The following SLC26A5 variants were observed in gnomAD, a reference collection of about 807,000 sequenced individuals.
SLC26A5 encodes the protein prestin.
SLC26A5 carries 51 observed loss-of-function variants against 81.0 expected under a neutral mutation model. The ratio of observed to expected loss-of-function variants is 0.63; its 90% CI spans 0.50 to 0.80. The LOEUF (loss-of-function observed/expected upper bound fraction) is 0.80. Among genes scored for constraint, SLC26A5 ranks in the 30% least tolerant of loss-of-function variants. The pLI, the probability that SLC26A5 is intolerant of heterozygous loss-of-function variation, is 0.00. For missense variants in SLC26A5, 771 were observed against 905.8 expected (o/e 0.85, Z 1.91); for synonymous variants, 325 against 332.8 (o/e 0.98, Z 0.25).
In SLC26A5 at chr7:103,442,115, G is replaced by A. The variant is rs192551012; in HGVS notation, c.-54+968C>T. ...ATGCCTGGGCCTATGCCAGTCCATT[G>A]TCTCCTCCCCACCTTCATCACTCTT... On this transcript the variant is annotated intron_variant, in intron 2 of 19. Transcript: ENST00000306312. Among the ~76,000 whole-genome samples the A allele has an allele frequency of 1.7e-4, 26 of 151,068 alleles. No individual in the cohort carries two copies. The East Asian group carries it at 2.8e-3, about 16-fold the overall frequency.
At chr7:103,396,132 T>C (rs1273180406) in intron 9 of SLC26A5, among the ~76,000 whole-genome samples, 2 of 152,180 alleles carry the variant, frequency 1.3e-5, no homozygotes, top group African/African-American at 4.8e-5. Context: ...GGCTAGGATT[T>C]AGGTTGTTTT....
intron 19 of SLC26A5, among the ~76,000 whole-genome samples, chr7:103,366,959 C>T (rs1192408301): frequency 6.6e-6 from 1 of 152,168 alleles, no homozygotes; most frequent in African/African-American, 2.4e-5. Flanking sequence ...TGCCTACCAC[C>T]ATGCCTGGCT....
chr7:103,378,132 C>A (rs1426746460), intron 17 of SLC26A5, among the ~76,000 whole-genome samples: 1 of 152,190 alleles, frequency 6.6e-6, no homozygotes, highest in Non-Finnish European at 1.5e-5. Context: ...CATTAGCATG[C>A]CTGAACAGCA....
In SLC26A5 at chr7:103,410,832, T is replaced by C. The variant is rs113982096; in HGVS notation, c.571-283A>G. 0.022 allele frequency among the ~76,000 whole-genome samples: 3,281 copies of C among 152,182 alleles called. 106 individuals are homozygous for C. The highest frequency in any genetic ancestry group is 0.076 in the African/African-American group (3,136 of 41,520). On this transcript the variant is annotated intron_variant, in intron 6 of 19. Transcript: ENST00000306312. ...TTTTAGTAGACACGGGGTTTCACTA[T>C]GTTGCCCAGGGTGGTCTCGAACTCC...
chr7:103,415,611 C>T (rs1209339570), intron 4 of SLC26A5, among the ~76,000 whole-genome samples: 2 of 152,122 alleles, frequency 1.3e-5, no homozygotes, highest in Non-Finnish European at 2.9e-5. Context: ...TGAGAAAACT[C>T]GTTCTAAATA....
At chr7:103,386,763 TTTTC>T (rs1208301009) in intron 14 of SLC26A5, among the ~76,000 whole-genome samples, 1 of 152,044 alleles carries the variant, frequency 6.6e-6, no homozygotes, top group African/African-American at 2.4e-5. Flanking sequence ...ATAGATTTTT[TTTTC>T]TTTTTCTTTT....
At chr7:103,364,075 T>C in intron 19 of SLC26A5, 1 of 1,457,726 alleles carries the variant, frequency 6.9e-7, no homozygotes, top group Non-Finnish European at 9.3e-7. Flanking sequence ...AGCACTTTGT[T>C]GATTTAGAAG....
At chr7:103,434,055 T>C (rs1826275060) in intron 2 of SLC26A5, among the ~76,000 whole-genome samples, 2 of 152,272 alleles carry the variant, frequency 1.3e-5, no homozygotes, top group East Asian at 1.9e-4. Context: ...GTTTATTTCA[T>C]TGCAATTGTG....
chr7:103,366,248 A>C, intron 19 of SLC26A5: 1 of 1,237,810 alleles, frequency 8.1e-7, no homozygotes, highest in Non-Finnish European at 1.2e-6. Flanking sequence ...TTAATCTTGT[A>C]CAGAATTTTA....
At chr7:103,382,955 T>C (rs549605408) in intron 14 of SLC26A5, among the ~76,000 whole-genome samples, 55 of 152,342 alleles carry the variant, frequency 3.6e-4, no homozygotes, top group African/African-American at 1.3e-3. Context: ...CTTCTTAGCA[T>C]GAATGTCAAA....
intron 4 of SLC26A5, among the ~76,000 whole-genome samples, chr7:103,416,946 TTTTG>T (rs1299346147): frequency 1.3e-5 from 2 of 152,178 alleles, no homozygotes; most frequent in Non-Finnish European, 2.9e-5. Flanking sequence ...CTTTGCTACA[TTTTG>T]TTTTTCATAT....
intron 4 of SLC26A5, among the ~76,000 whole-genome samples, chr7:103,420,290 T>C (rs1382898977): frequency 1.2e-5 from 1 of 86,400 alleles, no homozygotes; most frequent in Non-Finnish European, 2.3e-5. Flanking sequence ...TCCCTGGAGC[T>C]TTTTTTTTTT....
chr7:103,365,668 G>A (rs1009518069), intron 19 of SLC26A5, among the ~76,000 whole-genome samples: 17 of 152,102 alleles, frequency 1.1e-4, no homozygotes, highest in African/African-American at 2.2e-4. Flanking sequence ...AGTGGCTCAC[G>A]TCTGTAATCC....
At chr7:103,403,327 TG>T (rs1233717484) in intron 8 of SLC26A5, among the ~76,000 whole-genome samples, 3 of 152,220 alleles carry the variant, frequency 2.0e-5, no homozygotes, top group Non-Finnish European at 2.9e-5. Flanking sequence ...GATGTGGTGC[TG>T]AGAAGAATGA....
intron 4 of SLC26A5, among the ~76,000 whole-genome samples, chr7:103,418,701 T>G (rs2116705256): frequency 6.6e-6 from 1 of 152,312 alleles, no homozygotes; most frequent in South Asian, 2.1e-4. Flanking sequence ...GACAAGTTAT[T>G]TTTTTGGAAA....
chr7:103,363,580 T>C, intron 19 of SLC26A5: 1 of 720,136 alleles, frequency 1.4e-6, no homozygotes, highest in Non-Finnish European at 2.3e-6. Context: ...AGAGGAGGTG[T>C]GGAGAGTTGG....
intron 19 of SLC26A5, among the ~76,000 whole-genome samples, chr7:103,375,255 GTTTA>G (rs1821275320): frequency 1.3e-5 from 2 of 151,404 alleles, no homozygotes; most frequent in Non-Finnish European, 2.9e-5. Context: ...GATGTCCCTA[GTTTA>G]TTTAACTAGT....
intron 13 of SLC26A5, 33 bp from the exon 14 acceptor site, chr7:103,389,147 C>A: frequency 6.7e-7 from 1 of 1,485,458 alleles, no homozygotes; most frequent in South Asian, 1.1e-5. Flanking sequence ...GATGGAGAAC[C>A]ATGTTAAACA....
intron 6 of SLC26A5, among the ~76,000 whole-genome samples, chr7:103,410,818 A>G (rs547922044): frequency 6.6e-6 from 1 of 152,090 alleles, no homozygotes; most frequent in South Asian, 2.1e-4. Context: ...TTTAGTAGAC[A>G]CGGGGTTTCA....
Sources: gnomAD v4.1 joint callset for allele counts (sites outside exome capture counted in the v4.1 genomes callset) on GRCh38, gnomAD v4.1.1 for gene constraint, MANE v1.5 for transcripts, NCBI Gene and HGNC (gene_info 2026-07-23, HGNC 2026-07-21) for gene names.